FNBP4: variants seen among roughly 807,000 people sequenced by gnomAD.
FNBP4 encodes the protein formin binding protein 4.
Under a neutral mutation model 119.3 loss-of-function variants are expected in FNBP4, and 34 were observed. The ratio of observed to expected loss-of-function variants is 0.28; its 90% CI spans 0.22 to 0.38. FNBP4 has a LOEUF of 0.38. Among genes scored for constraint, FNBP4 ranks in the 10% least tolerant of loss-of-function variants. FNBP4 has a pLI of 1.00. For synonymous variants in FNBP4, 462 were observed against 430.6 expected (o/e 1.07, Z -0.90); for missense variants, 1,112 against 1,228.9 (o/e 0.90, Z 1.42).
At chr11:47,738,304 C>T (rs904578793) in intron 8 of FNBP4, among the ~76,000 whole-genome samples, 2 of 152,246 alleles carry the variant, frequency 1.3e-5, no homozygotes, top group Non-Finnish European at 2.9e-5. Flanking sequence ...TGGTGCCTCA[C>T]GCCTGTAATC....
rs2097568342 is a variant in FNBP4, at chr11:47,732,311, A to G, written c.1820+226T>C. The G allele has an allele frequency of 4.2e-5, 59 of 1,403,444 alleles. No individual in the cohort carries two copies. In the South Asian group the frequency reaches 8.7e-4, roughly 21 times the overall value. The allele number at this position is 1,403,444 out of a possible 1,614,324, so 86.9% of individuals were successfully genotyped here. A position where few individuals can be genotyped will look rare whatever the true frequency, so the allele number is the denominator to read the frequency against. ...TGGAGAGTAAAAACCAGCTTTGTCC[A>G]TATCTTGGGAAAAAATCCGTTACAT... is the stretch of plus-strand genomic sequence containing the variant. On this transcript the variant is annotated intron_variant, in intron 11 of 16. Coordinates refer to ENST00000263773, the MANE Select transcript of FNBP4 (RefSeq NM_015308.5). This position sits in a 1 kb window ranked among gnomAD's most constrained non-coding sequence, Gnocchi z 4.2.
At chr11:47,722,452 T>G (rs955085300) in intron 15 of FNBP4, among the ~76,000 whole-genome samples, 7 of 151,958 alleles carry the variant, frequency 4.6e-5, no homozygotes, top group African/African-American at 7.3e-5. Flanking sequence ...GCTCAACAAG[T>G]AGGAGTTGAC....
rs556570865 is a variant in FNBP4 at position 47,729,343 on chromosome 11, T to A, written c.2008+2031A>T. The A allele has an allele frequency of 1.1e-4, 104 of 985,426 alleles. No individual in the cohort carries two copies. In the African/African-American group the frequency reaches 1.7e-3, roughly 16 times the overall value. 61.0% of individuals were successfully genotyped at this position (985,426 alleles called of 1,614,324 possible). A position where few individuals can be genotyped will look rare whatever the true frequency, so the allele number is the denominator to read the frequency against. On this transcript the variant is annotated intron_variant, in intron 12 of 16. Transcript: ENST00000263773. ...AGTGACATAAGCCCAATATAAAAGA[T>A]ATGTTGGATATCTTGAACCCAACTC...
intron 2 of FNBP4, among the ~76,000 whole-genome samples, chr11:47,759,596 C>T (rs1465840586): frequency 6.6e-6 from 1 of 152,128 alleles, no homozygotes; most frequent in Non-Finnish European, 1.5e-5. Context: ...TATGAAATAA[C>T]GCCACACTTT....
chr11:47,733,482 T>C (rs1408850752), intron 10 of FNBP4, among the ~76,000 whole-genome samples: 2 of 152,064 alleles, frequency 1.3e-5, no homozygotes, highest in Non-Finnish European at 2.9e-5. Flanking sequence ...ATTACAGGCA[T>C]GTGCCACCAC....
chr11:47,757,847 C>G (rs6485777), intron 2 of FNBP4, among the ~76,000 whole-genome samples: 151,557 of 152,310 alleles, frequency 1, 75,410 homozygotes, highest in Middle Eastern at 1. Context: ...GTAAGAGATA[C>G]GGTCTTGCTC....
rs762846520 is a variant in FNBP4 at position 47,731,551 on chromosome 11, G to A, written c.1831C>T (p.Arg611Trp). 6.3e-6 allele frequency: 10 copies of A among 1,599,668 alleles called. No individual in the cohort carries two copies. The highest frequency in any genetic ancestry group is 2.7e-5 in the African/African-American group (2 of 73,626). The change falls in exon 12 of 17, where the codon CGG (arginine) becomes TGG (tryptophan). Residue 611 changes from arginine to tryptophan, a missense_variant. This residue lies in a region of FNBP4 where 826 missense variants were observed against 988.8 expected (regional missense o/e 0.84). Coordinates refer to ENST00000263773, the MANE Select transcript of FNBP4 (RefSeq NM_015308.5). The part of the protein sequence containing the change: ...WSCHWDRDHR[R>W]YFYVNEQSGE... The stretch of plus-strand genomic sequence containing the variant: ...GACTGTTCGTTTACATAGAAATACC[G>A]TCTATGATCCCTAAATTACAAGAAA...
Position 47,723,265 on chromosome 11 carries a change from G to A in FNBP4, c.2516C>T (p.Thr839Ile). The A allele has an allele frequency of 3.1e-6, 5 of 1,614,004 alleles. No homozygotes were observed. Among genetic ancestry groups the A allele is most frequent in the Non-Finnish European group, 4.2e-6 (5 of 1,179,928 alleles). ...GNQATGIGHQ[T>I]IPVSLPAAGM... ...TGCTGCTGGAAGGCTAACTGGTATT[G>A]TCTGATGTCCAATTCCTGTTGCCTG... The change falls in exon 15 of 17, where the codon ACA becomes ATA. Residue 839 changes from threonine to isoleucine, a missense_variant. Physicochemically the swap from Thr to Ile is moderately conservative, Grantham distance 89. Transcript: ENST00000263773.
Position 47,722,963 on chromosome 11 carries a change from A to T in FNBP4, c.2805+13T>A, listed in dbSNP as rs776061688. The T allele has an allele frequency of 4.0e-6, 6 of 1,486,338 alleles. No individual in the cohort carries two copies. The highest frequency in any genetic ancestry group is 2.6e-5 in the Admixed American group (1 of 37,866). 92.1% of individuals were successfully genotyped at this position (1,486,338 alleles called of 1,614,324 possible). ...TTTAAAAATAAATTTTTAAAAAGGG[A>T]AATTTATTATACCTTGTCTTTCCTT... is the stretch of plus-strand genomic sequence containing the variant. On this transcript the variant is annotated intron_variant, in intron 15 of 16. Transcript: ENST00000263773.
In FNBP4 at chr11:47,751,274, G is replaced by A. The variant is rs181295298; in HGVS notation, c.654C>T (p.Gly218=). 4.0e-5 allele frequency: 64 copies of A among 1,613,760 alleles called. No homozygotes were observed. The African/African-American group carries it at 6.3e-4, about 16-fold the overall frequency. The change falls in exon 5 of 17, where the codon GGC becomes GGT. Residue 218 remains glycine (G), a synonymous_variant. Coordinates refer to ENST00000263773, the MANE Select transcript of FNBP4 (RefSeq NM_015308.5). ...TCTCATCCCAGACTTCCTGCCAATC[G>A]CCCATCTCAATTCCGACTAGAAGAT... The part of the protein sequence containing the change: ...CSLAGVGIEM[G]DWQEVWDENT...
At chr11:47,738,160 G>A (rs1259909086) in intron 8 of FNBP4, among the ~76,000 whole-genome samples, 1 of 152,022 alleles carries the variant, frequency 6.6e-6, no homozygotes, top group Non-Finnish European at 1.5e-5. Flanking sequence ...ATCTCCAAAA[G>A]AGAAGAGGTC....
At chr11:47,725,887 C>T (rs2097560409) in intron 12 of FNBP4, 2 of 666,448 alleles carry the variant, frequency 3.0e-6, no homozygotes, top group Non-Finnish European at 3.7e-6. Flanking sequence ...TCATCTATTT[C>T]AACCTCCTCA....
intron 6 of FNBP4, among the ~76,000 whole-genome samples, chr11:47,747,406 C>T (rs2097592617): frequency 6.6e-6 from 1 of 152,058 alleles, no homozygotes; most frequent in African/African-American, 2.4e-5. Context: ...CAGGGTTTCA[C>T]CACGTTGGCC....
At position 47,753,092 on chromosome 11, in the gene FNBP4, G is replaced by A; in HGVS notation, c.461C>T (p.Ala154Val). 1 of 1,609,970 alleles carries A rather than the reference G, an allele frequency of 6.2e-7. No homozygotes were observed. The highest frequency in any genetic ancestry group is 1.1e-5 in the South Asian group (1 of 90,872). The change falls in exon 4 of 17, where the codon GCC (alanine) becomes GTC (valine). Residue 154 changes from alanine to valine, a missense_variant. Transcript: ENST00000263773. ...TLANFLAEID[A>V]ITAPQPAAPV... ...AGCTGCAGGCTGAGGAGCTGTTATG[G>A]CATCGATCTCCTTCAGTATGAAAAG... is the stretch of plus-strand genomic sequence containing the variant.
intron 15 of FNBP4, among the ~76,000 whole-genome samples, chr11:47,721,055 G>A (rs965558387): frequency 2.0e-5 from 3 of 151,882 alleles, no homozygotes; most frequent in African/African-American, 7.3e-5. Flanking sequence ...GGCTGGGCAC[G>A]ATGGCTCATG....
chr11:47,760,049 T>C (rs1353131577), intron 2 of FNBP4, among the ~76,000 whole-genome samples: 2 of 152,164 alleles, frequency 1.3e-5, no homozygotes, highest in East Asian at 3.8e-4. Flanking sequence ...TGCATGGTAT[T>C]TTCATTACAA....
Position 47,765,285 on chromosome 11 carries a change from C to A in FNBP4, c.298G>T (p.Ala100Ser). The A allele has an allele frequency of 6.2e-7, 1 of 1,609,162 alleles. No individual in the cohort carries two copies. Among genetic ancestry groups the A allele is most frequent in the Non-Finnish European group, 8.5e-7 (1 of 1,177,948 alleles). Residue 100 changes from alanine to serine, a missense_variant, in exon 2 of 17, where the codon GCT (alanine) becomes TCT (serine). Ala to Ser is a moderately conservative substitution (Grantham distance 99). Transcript: ENST00000263773. ...PKPVMTTRPT[A>S]VKATGGLCLL... ...AAAAGCATACCTGTTGCTTTAACAG[C>A]TGTGGGTCTAGTGGTCATGACTGGT... is the stretch of plus-strand genomic sequence containing the variant.
intron 2 of FNBP4, among the ~76,000 whole-genome samples, chr11:47,760,704 G>C (rs1455464234): frequency 6.6e-6 from 1 of 152,134 alleles, no homozygotes; most frequent in Admixed American, 6.6e-5. Context: ...AAAGTGCTGG[G>C]ATCACAGGCG....
chr11:47,745,587 G>A (rs901803871), intron 7 of FNBP4, among the ~76,000 whole-genome samples: 5 of 152,012 alleles, frequency 3.3e-5, no homozygotes, highest in Non-Finnish European at 5.9e-5. Context: ...CATGTGCACC[G>A]CTGAACATAG....
Sources: gnomAD v4.1 joint callset for allele counts (sites outside exome capture counted in the v4.1 genomes callset) on GRCh38, gnomAD v4.1.1 for gene constraint, gnomAD v4.1.1 regional missense constraint, Gnocchi (gnomAD v3.1) non-coding constraint, MANE v1.5 for transcripts, NCBI Gene and HGNC (gene_info 2026-07-23, HGNC 2026-07-21) for gene names.